ADGRB3: variants seen among roughly 807,000 people sequenced by gnomAD.
ADGRB3 encodes the protein brain-specific angiogenesis inhibitor 3.
Under a neutral mutation model 193.4 loss-of-function variants are expected in ADGRB3, and 37 were observed. That is an observed-to-expected ratio of 0.19 (90% CI 0.15 to 0.25). ADGRB3 has a LOEUF of 0.25. Among genes scored for constraint, ADGRB3 ranks in the 10% least tolerant of loss-of-function variants. The pLI is 1.00. For missense variants in ADGRB3, 1,637 were observed against 1,852.9 expected (o/e 0.88, Z 2.14); for synonymous variants, 690 against 644.2 (o/e 1.07, Z -1.08).
intron 10 of ADGRB3, among the ~76,000 whole-genome samples, chr6:68,979,058 A>G (rs943842385): frequency 2.0e-5 from 3 of 151,234 alleles, no homozygotes; most frequent in African/African-American, 4.9e-5. Flanking sequence ...CAAAAGGGCC[A>G]TCAATAAGTT....
At chr6:68,961,375 C>A (rs924174636) in intron 8 of ADGRB3, among the ~76,000 whole-genome samples, 7 of 152,136 alleles carry the variant, frequency 4.6e-5, no homozygotes, top group African/African-American at 1.4e-4. Flanking sequence ...CAGCATCTCT[C>A]TTCCTGAGCA....
intron 20 of ADGRB3, among the ~76,000 whole-genome samples, chr6:69,285,993 A>G (rs1767543909): frequency 6.6e-6 from 1 of 152,102 alleles, no homozygotes; most frequent in African/African-American, 2.4e-5. Context: ...GTGCTTTCCA[A>G]TACAGCCCCC....
intron 20 of ADGRB3, among the ~76,000 whole-genome samples, chr6:69,261,004 T>A (rs1457285336): frequency 6.6e-6 from 1 of 152,198 alleles, no homozygotes; most frequent in Non-Finnish European, 1.5e-5. Flanking sequence ...AACAAAATTA[T>A]TTCTAAAATC....
intron 31 of ADGRB3, among the ~76,000 whole-genome samples, chr6:69,385,183 A>T (rs1306939928): frequency 2.0e-5 from 3 of 152,016 alleles, no homozygotes; most frequent in Non-Finnish European, 1.5e-5. Context: ...TTCACAAACC[A>T]TTCAGTTAAG....
chr6:69,129,251 A>G (rs1000563597), intron 17 of ADGRB3, among the ~76,000 whole-genome samples: 2 of 152,178 alleles, frequency 1.3e-5, no homozygotes, highest in Admixed American at 6.6e-5. Context: ...ACTCACTAGT[A>G]GAGAGAAGGA....
intron 17 of ADGRB3, among the ~76,000 whole-genome samples, chr6:69,222,139 A>G (rs1033274247): frequency 6.6e-6 from 1 of 152,174 alleles, no homozygotes; most frequent in Admixed American, 6.6e-5. Flanking sequence ...TGGTGCCAAC[A>G]TAAGAGGGAT....
intron 3 of ADGRB3, among the ~76,000 whole-genome samples, chr6:68,728,000 T>C (rs1765704175): frequency 6.6e-6 from 1 of 151,568 alleles, no homozygotes; most frequent in African/African-American, 2.4e-5. Flanking sequence ...TAATATAAAT[T>C]TCTTCTGTTT....
At chr6:68,655,171 C>T (rs1381644445) in intron 3 of ADGRB3, among the ~76,000 whole-genome samples, 4 of 150,858 alleles carry the variant, frequency 2.7e-5, no homozygotes, top group African/African-American at 7.3e-5. Context: ...TAATGTAAAA[C>T]AAAGATTGTT....
intron 3 of ADGRB3, among the ~76,000 whole-genome samples, chr6:68,741,728 T>G (rs1345646712): frequency 1.3e-5 from 2 of 152,292 alleles, no homozygotes; most frequent in South Asian, 4.1e-4. Flanking sequence ...CTATCATAAG[T>G]ATAGAAGAGT....
At chr6:68,972,112 G>A (rs1463097798) in intron 8 of ADGRB3, among the ~76,000 whole-genome samples, 1 of 152,198 alleles carries the variant, frequency 6.6e-6, no homozygotes, top group Non-Finnish European at 1.5e-5. Context: ...GGTGGCTGCT[G>A]TATCTCTTAG....
At chr6:69,149,557 T>G (rs1232792507) in intron 17 of ADGRB3, among the ~76,000 whole-genome samples, 1 of 152,100 alleles carries the variant, frequency 6.6e-6, no homozygotes, top group Non-Finnish European at 1.5e-5. Flanking sequence ...CATATTTACT[T>G]CATTTAGTGT....
chr6:68,733,666 G>GC (rs1765817638), intron 3 of ADGRB3, among the ~76,000 whole-genome samples: 1 of 150,750 alleles, frequency 6.6e-6, no homozygotes, highest in African/African-American at 2.5e-5. Context: ...AGGCTAGTGG[G>GC]GTTTGGAGGG....
chr6:69,339,942 T>C (rs1280718632), intron 26 of ADGRB3, among the ~76,000 whole-genome samples: 5 of 152,168 alleles, frequency 3.3e-5, no homozygotes, highest in Non-Finnish European at 7.4e-5. Context: ...TTGCATATAT[T>C]AACTAATACT....
chr6:69,249,809 GTAGC>G (rs1766583569), intron 20 of ADGRB3, among the ~76,000 whole-genome samples: 1 of 152,258 alleles, frequency 6.6e-6, no homozygotes, highest in Middle Eastern at 3.4e-3. Flanking sequence ...TTCTTTTGTG[GTAGC>G]TAGTCAGTTA....
chr6:68,974,224 C>T (rs1015537855), intron 8 of ADGRB3, among the ~76,000 whole-genome samples: 2 of 151,976 alleles, frequency 1.3e-5, no homozygotes, highest in Non-Finnish European at 2.9e-5. Flanking sequence ...ATCCAAATGA[C>T]CTCTATAAAT....
At chr6:68,687,668 CACTT>C (rs775095954) in intron 3 of ADGRB3, among the ~76,000 whole-genome samples, 12 of 152,126 alleles carry the variant, frequency 7.9e-5, no homozygotes, top group Non-Finnish European at 1.6e-4. Flanking sequence ...AATCAACAAA[CACTT>C]ACTGTGTATT....
In ADGRB3 at chr6:68,675,476, T is replaced by G. The variant is rs966721192; in HGVS notation, c.757+36044T>G. Among the ~76,000 whole-genome samples, 7 of 152,132 alleles carry G rather than the reference T, an allele frequency of 4.6e-5. 1 individual carries two copies. Among genetic ancestry groups the G allele is most frequent in the Admixed American group, 4.6e-4 (7 of 15,268 alleles). ...AAAATGGTATTTAGAACTAAGAAATTAATTTGAGTGAAATTAATGTTAGAA... is the reference window on the plus strand; with the variant it reads ...AAAATGGTATTTAGAACTAAGAAATGAATTTGAGTGAAATTAATGTTAGAA... On this transcript the variant is annotated intron_variant, in intron 3 of 31. Coordinates refer to ENST00000370598, the MANE Select transcript of ADGRB3 (RefSeq NM_001704.3).
intron 15 of ADGRB3, among the ~76,000 whole-genome samples, chr6:69,057,149 A>T (rs1411751938): frequency 6.6e-6 from 1 of 151,854 alleles, no homozygotes; most frequent in Non-Finnish European, 1.5e-5. Flanking sequence ...ATTTATTTTG[A>T]TGCTTTTTAA....
chr6:68,932,106 C>G (rs3823059), intron 4 of ADGRB3, among the ~76,000 whole-genome samples: 96,375 of 151,934 alleles, frequency 0.63, 31,995 homozygotes, highest in Middle Eastern at 0.81. Flanking sequence ...TCAAGGCACA[C>G]GGGCATGGGC....
Sources: gnomAD v4.1 joint callset for allele counts (sites outside exome capture counted in the v4.1 genomes callset) on GRCh38, gnomAD v4.1.1 for gene constraint, MANE v1.5 for transcripts, NCBI Gene and HGNC (gene_info 2026-07-23, HGNC 2026-07-21) for gene names.